The following UNK variants were observed in gnomAD, a reference collection of about 807,000 sequenced individuals.
UNK encodes RING finger protein unkempt homolog.
Under a neutral mutation model 97.6 loss-of-function variants are expected in UNK, and 32 were observed. That is an observed-to-expected ratio of 0.33 (90% CI 0.25 to 0.44). The LOEUF is 0.44. UNK is among the 20% of genes least tolerant of loss of function. The pLI is 1.00. For synonymous variants in UNK, 441 were observed against 461.2 expected (o/e 0.96, Z 0.56); for missense variants, 771 against 1,098.4 (o/e 0.70, Z 4.21).
chr17:75,812,184 C>T lies in UNK; in HGVS notation c.387C>T (p.Ile129=). 3.7e-6 allele frequency: 6 copies of T among 1,614,132 alleles called. No homozygotes were observed. The highest frequency in any genetic ancestry group is 5.1e-6 in the Non-Finnish European group (6 of 1,179,958). ...ACCTTCGTTACTACAAAACTGGAAT[C>T]TGCATCCACGAGACAGACTCGAAAG... ...RYHLRYYKTG[I]CIHETDSKGN... The change falls in exon 3 of 16, where the codon ATC becomes ATT. Residue 129 remains isoleucine (I), a synonymous_variant. Coordinates refer to ENST00000589666, the MANE Select transcript of UNK (RefSeq NM_001080419.3).
At chr17:75,802,242 CTTTTTTTTTTTTTTTTTTTT>C (rs56221993) in intron 1 of UNK, among the ~76,000 whole-genome samples, 12 of 47,222 alleles carry the variant, frequency 2.5e-4, no homozygotes, top group Non-Finnish European at 3.9e-4. Context: ...GCACAGATGT[CTTTTTTTTTTTTTTTTTTTT>C]TTTTTTTTTT....
At chr17:75,798,352 A>G (rs1300252920) in intron 1 of UNK, among the ~76,000 whole-genome samples, 1 of 151,932 alleles carries the variant, frequency 6.6e-6, no homozygotes, top group Non-Finnish European at 1.5e-5. Context: ...TACAGGCAAG[A>G]GCCACCACGC....
chr17:75,821,558 G>A lies in UNK; in HGVS notation c.1838-919G>A, dbSNP rs1201085684. 15 of 454,826 alleles carry A rather than the reference G, an allele frequency of 3.3e-5. No homozygotes were observed. In the Admixed American group the frequency reaches 3.5e-4, roughly 11 times the overall value. The allele number at this position is 454,826 out of a possible 1,614,324, so 28.2% of individuals were successfully genotyped here. A position where few individuals can be genotyped will look rare whatever the true frequency, so the allele number is the denominator to read the frequency against. On this transcript the variant is annotated intron_variant, in intron 13 of 15. Coordinates refer to ENST00000589666, the MANE Select transcript of UNK (RefSeq NM_001080419.3). Reference sequence around the variant, plus strand: ...TGGCTCAGACAGTGCATGCCACAGGGTCTCCGCACAGGACCATGTCCCTCC... The same window carrying A: ...TGGCTCAGACAGTGCATGCCACAGGATCTCCGCACAGGACCATGTCCCTCC...
intron 1 of UNK, among the ~76,000 whole-genome samples, chr17:75,801,119 G>A (rs867257733): frequency 2.8e-4 from 43 of 151,952 alleles, no homozygotes; most frequent in African/African-American, 1.0e-3. Flanking sequence ...TAGCCAGGAT[G>A]GTCTCGATCT....
In UNK at chr17:75,817,536, G is replaced by A; in HGVS notation, c.1305+10G>A. On this transcript the variant is annotated intron_variant, in intron 9 of 15. Coordinates refer to ENST00000589666, the MANE Select transcript of UNK (RefSeq NM_001080419.3). The surrounding 1 kb of genome is among the most constrained non-coding windows in gnomAD (Gnocchi z 5.8). ...AAATTTCAAATGCCAGGTAAGGGAT[G>A]AGGGAGGCAGCAGTGAGGTTAGCCT... 6.3e-7 allele frequency: 1 copy of A among 1,597,770 alleles called. No individual in the cohort carries two copies.
intron 1 of UNK, among the ~76,000 whole-genome samples, chr17:75,803,142 T>C (rs982950873): frequency 1.3e-5 from 2 of 151,862 alleles, no homozygotes; most frequent in African/African-American, 2.4e-5. Context: ...CTCACACCTG[T>C]AATCCCAGCA....
intron 6 of UNK, among the ~76,000 whole-genome samples, chr17:75,814,564 AGATT>A (rs2062000605): frequency 6.6e-6 from 1 of 150,880 alleles, no homozygotes; most frequent in South Asian, 2.1e-4. Flanking sequence ...ATCAGGGCCT[AGATT>A]ATCAGCAACC....
At chr17:75,793,671 A>G in intron 1 of UNK, 1 of 985,282 alleles carries the variant, frequency 1.0e-6, no homozygotes, top group Middle Eastern at 5.2e-4. Context: ...CTTATTCTTT[A>G]TTCACAGTTT....
chr17:75,806,634 G>C (rs1234603189), intron 1 of UNK, among the ~76,000 whole-genome samples: 1 of 151,842 alleles, frequency 6.6e-6, no homozygotes, highest in Non-Finnish European at 1.5e-5. Flanking sequence ...TTAGCTGGGC[G>C]TGGTGGCGGG....
At chr17:75,792,909 C>T (rs1372731893) in intron 1 of UNK, among the ~76,000 whole-genome samples, 2 of 152,216 alleles carry the variant, frequency 1.3e-5, no homozygotes, top group Non-Finnish European at 2.9e-5. Flanking sequence ...GGCCTATTGC[C>T]AAGGCTCAGC....
rs551201201 is a variant in UNK, at chr17:75,823,535, C to T, written c.2277+13C>T. ...ACAAGTGGACAAGGTCAGCCCAGGT[C>T]GGGGAGCACTGGGTGGGATGCACGG... On this transcript the variant is annotated intron_variant, in intron 15 of 15. Coordinates refer to ENST00000589666, the MANE Select transcript of UNK (RefSeq NM_001080419.3). 1.7e-5 allele frequency: 26 copies of T among 1,532,958 alleles called. No individual in the cohort carries two copies. Among genetic ancestry groups the T allele is most frequent in the East Asian group, 1.2e-4 (5 of 42,916 alleles). 95.0% of individuals were successfully genotyped at this position (1,532,958 alleles called of 1,614,324 possible).
At chr17:75,812,387 G>A (rs1385255016) in intron 3 of UNK, 68 bp from the exon 4 acceptor site, 1 of 1,584,490 alleles carries the variant, frequency 6.3e-7, no homozygotes, top group Non-Finnish European at 8.6e-7. Flanking sequence ...GCAGTGGAGG[G>A]CTGGCACTCT....
chr17:75,817,257 G>T lies in UNK; in HGVS notation c.1105-69G>T. 6.8e-7 allele frequency: 1 copy of T among 1,461,820 alleles called. No homozygotes were observed. The highest frequency in any genetic ancestry group is 1.4e-5 in the South Asian group (1 of 73,982). 90.6% of individuals were successfully genotyped at this position (1,461,820 alleles called of 1,614,324 possible). A position where few individuals can be genotyped will look rare whatever the true frequency, so the allele number is the denominator to read the frequency against. On this transcript the variant is annotated intron_variant, in intron 8 of 15. Coordinates refer to ENST00000589666, the MANE Select transcript of UNK (RefSeq NM_001080419.3). This position sits in a 1 kb window ranked among gnomAD's most constrained non-coding sequence, Gnocchi z 5.8. The stretch of plus-strand genomic sequence containing the variant: ...CCCTTGAAGACTCCCTCTGGAGAGG[G>T]TGGAGGATGGGCCACGCACCAGCCT...
intron 1 of UNK, among the ~76,000 whole-genome samples, chr17:75,787,522 TC>T (rs1212510235): frequency 2.7e-5 from 4 of 149,500 alleles, no homozygotes; most frequent in Non-Finnish European, 3.0e-5. Flanking sequence ...TTTTTTTTTT[TC>T]CTCTTCTTAA....
chr17:75,796,905 TAAAG>T (rs779108923), intron 1 of UNK, among the ~76,000 whole-genome samples: 8 of 152,234 alleles, frequency 5.3e-5, no homozygotes, highest in Non-Finnish European at 1.2e-4. Flanking sequence ...TTCTTAAACT[TAAAG>T]AACCTTTGAT....
At chr17:75,787,339 G>A (rs1001528420) in intron 1 of UNK, among the ~76,000 whole-genome samples, 3 of 152,064 alleles carry the variant, frequency 2.0e-5, no homozygotes, top group Non-Finnish European at 4.4e-5. Flanking sequence ...AGTCTCCTGA[G>A]TAGCTGGGAC....
At chr17:75,791,825 A>G (rs1023085016) in intron 1 of UNK, 13 of 985,308 alleles carry the variant, frequency 1.3e-5, no homozygotes, top group Middle Eastern at 5.2e-4. Context: ...GGTGGTTTCT[A>G]TCATCCTACA....
At chr17:75,790,663 GC>G (rs1473801516) in intron 1 of UNK, among the ~76,000 whole-genome samples, 2 of 151,946 alleles carry the variant, frequency 1.3e-5, no homozygotes, top group East Asian at 3.9e-4. Context: ...GGGCGTGGTG[GC>G]TCACGCCTGT....
Position 75,818,193 on chromosome 17 carries a change from T to C in UNK, c.1371+25T>C. On this transcript the variant is annotated intron_variant, in intron 10 of 15. Coordinates refer to ENST00000589666, the MANE Select transcript of UNK (RefSeq NM_001080419.3). The surrounding 1 kb of genome is among the most constrained non-coding windows in gnomAD (Gnocchi z 5.1). ...GGTATAGAGCTCTCAGCCCCCTTCC[T>C]CCCCTCTGCTGTGGACAGGAGTGGC... is the stretch of plus-strand genomic sequence containing the variant. 4 of 1,612,538 alleles carry C rather than the reference T, an allele frequency of 2.5e-6. No homozygotes were observed. The highest frequency in any genetic ancestry group is 3.4e-6 in the Non-Finnish European group (4 of 1,179,372).
Sources: allele counts gnomAD v4.1 joint callset (sites outside exome capture counted in the v4.1 genomes callset), GRCh38; gene constraint gnomAD v4.1.1; non-coding constraint Gnocchi (gnomAD v3.1); transcripts MANE v1.5; gene names NCBI Gene and HGNC (gene_info 2026-07-23, HGNC 2026-07-21).